The following DSCAM variants were observed in gnomAD, a reference collection of about 807,000 sequenced individuals.
DSCAM encodes DS cell adhesion molecule.
A neutral mutation model predicts 217.7 loss-of-function variants in DSCAM; 47 were observed. The ratio of observed to expected loss-of-function variants is 0.22; its 90% CI spans 0.17 to 0.28. The LOEUF is 0.28. DSCAM is among the 10% of genes least tolerant of loss of function. DSCAM has a pLI of 1.00. For synonymous variants in DSCAM, 1,056 were observed against 1,015.3 expected, an observed-to-expected ratio of 1.04 and a Z score of -0.76; for missense variants, 2,080 against 2,618.3, an observed-to-expected ratio of 0.79 and a Z score of 4.49.
Position 40,127,014 on chromosome 21 carries a change from C to T in DSCAM, c.3563-2686G>A, listed in dbSNP as rs183035542. On this transcript the variant is annotated intron_variant, in intron 19 of 32. Coordinates refer to ENST00000400454, the MANE Select transcript of DSCAM (RefSeq NM_001389.5). ...CTGGAGCCTCACTGCTGGTTTCATG[C>T]GGCTCTAGCACTTAGTTCCACGTCC... 5.1e-3 allele frequency among the ~76,000 whole-genome samples: 773 copies of T among 152,288 alleles called. 4 individuals carry two copies. The highest frequency in any genetic ancestry group is 7.6e-3 in the Non-Finnish European group (515 of 68,018).
chr21:40,529,054 C>T lies in DSCAM; in HGVS notation c.509-159809G>A, dbSNP rs545769801. ...GAGTAGCTGGGACTACAGGCGCGTG[C>T]CACCACCCCCGGCTAATTTTTTTGT... On this transcript the variant is annotated intron_variant, in intron 3 of 32. Transcript: ENST00000400454. 3.3e-5 allele frequency among the ~76,000 whole-genome samples: 5 copies of T among 151,990 alleles called. No individual in the cohort carries two copies. The South Asian group carries it at 1.0e-3, about 32-fold the overall frequency.
chr21:40,621,538 C>T lies in DSCAM; in HGVS notation c.508+71272G>A, dbSNP rs117367512. The T allele has an allele frequency of 5.5e-3, 841 of 152,066 alleles. 7 individuals are homozygous for T. Among genetic ancestry groups the T allele is most frequent in the Non-Finnish European group, 9.1e-3 (618 of 68,028 alleles). 9.4% of individuals were successfully genotyped at this position (152,066 alleles called of 1,614,324 possible). A position where few individuals can be genotyped will look rare whatever the true frequency, so the allele number is the denominator to read the frequency against. ...GACTGGATGCCCTTTGCAGCCAGGC[C>T]AGGCCATGGCTGCTAAGCACCCTCT... On this transcript the variant is annotated intron_variant, in intron 3 of 32. Coordinates refer to ENST00000400454, the MANE Select transcript of DSCAM (RefSeq NM_001389.5).
intron 3 of DSCAM, among the ~76,000 whole-genome samples, chr21:40,434,859 T>C (rs741771): frequency 0.71 from 108,112 of 152,034 alleles, 38,742 homozygotes; most frequent in Middle Eastern, 0.81. Flanking sequence ...ACAAGACCCA[T>C]TTCAGCTATG....
At position 40,144,498 on chromosome 21, in the gene DSCAM, G is replaced by A. The variant is rs369782957; in HGVS notation, c.3252C>T (p.Leu1084=). The A allele has an allele frequency of 1.1e-4, 174 of 1,613,912 alleles. No individual in the cohort carries two copies. The highest frequency in any genetic ancestry group is 1.6e-4 in the Middle Eastern group (1 of 6,084). Reference sequence around the variant, plus strand: ...GGCCCCGGCCGAACCTACCATCCTCGAGAGTGGTGGTGATGATTTCCTGAG... The same window carrying A: ...GGCCCCGGCCGAACCTACCATCCTCAAGAGTGGTGGTGATGATTTCCTGAG... ...PSSQEIITTT[L]EDVPSYPPEN... The change falls in exon 17 of 33, where the codon CTC becomes CTT. Residue 1084 remains leucine (L), a synonymous_variant. Coordinates refer to ENST00000400454, the MANE Select transcript of DSCAM (RefSeq NM_001389.5). The surrounding 1 kb of genome is among the most constrained non-coding windows in gnomAD (Gnocchi z 4.8).
intron 28 of DSCAM, among the ~76,000 whole-genome samples, chr21:40,062,576 C>G (rs1002115197): frequency 4.6e-5 from 7 of 152,202 alleles, no homozygotes; most frequent in African/African-American, 7.2e-5. Flanking sequence ...AAAACTAAAG[C>G]TACTTCCTCT....
chr21:40,133,618 A>AC (rs1222838590), intron 19 of DSCAM, among the ~76,000 whole-genome samples: 1 of 50,302 alleles, frequency 2.0e-5, no homozygotes, highest in Non-Finnish European at 5.2e-5. Flanking sequence ...AACAAAAAAC[A>AC]AAAAAAAAGA....
intron 1 of DSCAM, among the ~76,000 whole-genome samples, chr21:40,743,358 G>A (rs762989859): frequency 1.3e-5 from 2 of 152,158 alleles, no homozygotes; most frequent in Non-Finnish European, 2.9e-5. Context: ...CAACAACTTT[G>A]CTATATCTGA....
At chr21:40,215,933 T>C (rs2091238748) in intron 11 of DSCAM, among the ~76,000 whole-genome samples, 1 of 129,754 alleles carries the variant, frequency 7.7e-6, no homozygotes, top group Admixed American at 8.8e-5. Context: ...CTCCTTTTCT[T>C]CTCCTTTAAA....
At chr21:40,798,266 A>G (rs1294665178) in intron 1 of DSCAM, among the ~76,000 whole-genome samples, 3 of 152,110 alleles carry the variant, frequency 2.0e-5, no homozygotes, top group Non-Finnish European at 2.9e-5. Context: ...AATCCAGTAT[A>G]CCATCAAGAC....
At chr21:40,707,347 T>C (rs547175622) in intron 2 of DSCAM, among the ~76,000 whole-genome samples, 1 of 152,240 alleles carries the variant, frequency 6.6e-6, no homozygotes, top group Non-Finnish European at 1.5e-5. Flanking sequence ...TTTTCATATA[T>C]CTTGATTAAA....
rs367600239 is a variant in DSCAM, at chr21:40,066,151, C to A, written c.4889-3252G>T. Among the ~76,000 whole-genome samples, 23 of 152,338 alleles carry A rather than the reference C, an allele frequency of 1.5e-4. No homozygotes were observed. The East Asian group carries it at 2.7e-3, about 18-fold the overall frequency. ...GACCTCTGCCTTATATCTCAGACAG[C>A]CCTTCCCAGCTCATACTGTGCCCAC... On this transcript the variant is annotated intron_variant, in intron 27 of 32. Coordinates refer to ENST00000400454, the MANE Select transcript of DSCAM (RefSeq NM_001389.5).
At chr21:40,576,126 T>C (rs919112915) in intron 3 of DSCAM, among the ~76,000 whole-genome samples, 4 of 152,186 alleles carry the variant, frequency 2.6e-5, no homozygotes, top group Non-Finnish European at 5.9e-5. Flanking sequence ...CTAACATATG[T>C]TCACAAAAAG....
chr21:40,470,137 T>C (rs905056762), intron 3 of DSCAM, among the ~76,000 whole-genome samples: 6 of 152,208 alleles, frequency 3.9e-5, no homozygotes, highest in African/African-American at 9.6e-5. Context: ...TTATAATTAA[T>C]ATAAAATAAT....
At chr21:40,685,337 C>T (rs1456471794) in intron 3 of DSCAM, among the ~76,000 whole-genome samples, 1 of 152,174 alleles carries the variant, frequency 6.6e-6, no homozygotes, top group African/African-American at 2.4e-5. Flanking sequence ...AGCGTTCCCA[C>T]CACCCTTAGA....
chr21:40,489,343 G>A (rs2146006798), intron 3 of DSCAM, among the ~76,000 whole-genome samples: 1 of 152,138 alleles, frequency 6.6e-6, no homozygotes, highest in East Asian at 1.9e-4. Context: ...TTCCTTCCTG[G>A]GTCCCCTGCT....
chr21:40,742,096 C>T (rs759554462), intron 1 of DSCAM, among the ~76,000 whole-genome samples: 3 of 152,126 alleles, frequency 2.0e-5, no homozygotes, highest in Admixed American at 6.5e-5. Flanking sequence ...CAGTCACATG[C>T]GACATCTGAG....
Position 40,494,903 on chromosome 21 carries a change from A to C in DSCAM, c.509-125658T>G, listed in dbSNP as rs563575851. Among the ~76,000 whole-genome samples the C allele has an allele frequency of 1.5e-4, 23 of 152,146 alleles. No individual in the cohort carries two copies. The South Asian group carries it at 4.8e-3, about 32-fold the overall frequency. On this transcript the variant is annotated intron_variant, in intron 3 of 32. Transcript: ENST00000400454. ...AGAAGACAAAATCAGAAATAAAAGG[A>C]GAAACATTACACCTGATACAACAGA...
At chr21:40,030,086 G>A (rs767650002) in intron 32 of DSCAM, among the ~76,000 whole-genome samples, 12 of 152,332 alleles carry the variant, frequency 7.9e-5, no homozygotes, top group Non-Finnish European at 8.8e-5. Flanking sequence ...GCACATGTAC[G>A]TGGATACATA....
intron 1 of DSCAM, among the ~76,000 whole-genome samples, chr21:40,715,225 A>C (rs1035817230): frequency 1.3e-5 from 2 of 152,256 alleles, no homozygotes; most frequent in Admixed American, 1.3e-4. Context: ...ACCTTTTCAC[A>C]TCACTATTTT....
Sources: gnomAD v4.1 joint callset for allele counts (sites outside exome capture counted in the v4.1 genomes callset) on GRCh38, gnomAD v4.1.1 for gene constraint, Gnocchi (gnomAD v3.1) non-coding constraint, MANE v1.5 for transcripts, NCBI Gene and HGNC (gene_info 2026-07-23, HGNC 2026-07-21) for gene names.